MEGF11: variants seen among roughly 807,000 people sequenced by gnomAD.
MEGF11 encodes the protein multiple EGF like domains 11.
Under a neutral mutation model 146.6 loss-of-function variants are expected in MEGF11, and 126 were observed. The observed-to-expected ratio is 0.86, with a 90% CI of 0.74 to 1.00. MEGF11 has a LOEUF of 1.00. Among genes scored for constraint, MEGF11 ranks in the 50% least tolerant of loss-of-function variants. The pLI is 0.00. For synonymous variants in MEGF11, 532 were observed against 583.4 expected, an observed-to-expected ratio of 0.91 and a Z score of 1.27; for missense variants, 1,509 against 1,521.2, an observed-to-expected ratio of 0.99 and a Z score of 0.13.
intron 1 of MEGF11, among the ~76,000 whole-genome samples, chr15:66,223,122 G>C (rs908635935): frequency 6.6e-6 from 1 of 152,144 alleles, no homozygotes; most frequent in Non-Finnish European, 1.5e-5. Flanking sequence ...TAAATAAAAC[G>C]TGCTATATTC....
In MEGF11 at chr15:66,189,651, G is replaced by T. The variant is rs570126776; in HGVS notation, c.-8-61240C>A. On this transcript the variant is annotated intron_variant, in intron 1 of 25. Transcript: ENST00000395614. ...CCTGCCTCTGCTGCTTCCCTGCTGA[G>T]TGATCTTGGGAAAGAAACCTCACCT... Among the ~76,000 whole-genome samples the T allele has an allele frequency of 7.9e-5, 12 of 152,266 alleles. No individual in the cohort carries two copies. The East Asian group carries it at 2.3e-3, about 29-fold the overall frequency.
chr15:66,100,345 C>T (rs922103458), intron 4 of MEGF11, among the ~76,000 whole-genome samples: 3 of 152,092 alleles, frequency 2.0e-5, no homozygotes, highest in Non-Finnish European at 2.9e-5. Context: ...CCTGGAGTGC[C>T]GCAGGGAGAA....
chr15:66,074,620 C>T (rs1420712003), intron 5 of MEGF11, among the ~76,000 whole-genome samples: 1 of 152,184 alleles, frequency 6.6e-6, no homozygotes, highest in Non-Finnish European at 1.5e-5. Flanking sequence ...AATGTATGTG[C>T]TGGGACATGA....
intron 4 of MEGF11, among the ~76,000 whole-genome samples, chr15:66,096,924 C>T (rs1188426388): frequency 1.3e-5 from 2 of 152,246 alleles, no homozygotes; most frequent in South Asian, 2.1e-4. Flanking sequence ...TGCAGAACAC[C>T]GCCCCCCACA....
chr15:66,030,909 G>A (rs1174904873), intron 5 of MEGF11, among the ~76,000 whole-genome samples: 1 of 152,194 alleles, frequency 6.6e-6, no homozygotes, highest in Non-Finnish European at 1.5e-5. Context: ...TCAACCTGGG[G>A]CCTGATTTCC....
At chr15:66,211,298 C>T (rs575256242) in intron 1 of MEGF11, among the ~76,000 whole-genome samples, 184 of 152,222 alleles carry the variant, frequency 1.2e-3, no homozygotes, top group African/African-American at 2.7e-3. Context: ...CCAAGGTGGG[C>T]GGATCACGAA....
intron 5 of MEGF11, among the ~76,000 whole-genome samples, chr15:66,018,124 G>A (rs911510951): frequency 6.6e-6 from 1 of 152,198 alleles, no homozygotes; most frequent in East Asian, 1.9e-4. Flanking sequence ...CCAGCCTCAG[G>A]AAAAGGAAGG....
At chr15:66,031,507 A>C (rs1277375386) in intron 5 of MEGF11, among the ~76,000 whole-genome samples, 1 of 152,194 alleles carries the variant, frequency 6.6e-6, no homozygotes, top group East Asian at 1.9e-4. Context: ...GGTGGAGCAC[A>C]GGATAACCAT....
At chr15:65,898,351 A>G in intron 25 of MEGF11, 4 of 985,408 alleles carry the variant, frequency 4.1e-6, no homozygotes, top group Non-Finnish European at 4.8e-6. Context: ...GAGCCCAGGG[A>G]CATAAACTGG....
chr15:66,229,002 G>A (rs753589867), intron 1 of MEGF11, among the ~76,000 whole-genome samples: 7 of 152,116 alleles, frequency 4.6e-5, no homozygotes, highest in African/African-American at 7.2e-5. Flanking sequence ...TGGTGCTAGC[G>A]TCAGGGTGCT....
intron 5 of MEGF11, among the ~76,000 whole-genome samples, chr15:66,041,730 GAA>G (rs1012768916): frequency 6.6e-6 from 1 of 152,164 alleles, no homozygotes; most frequent in Non-Finnish European, 1.5e-5. Context: ...GTCCTTTACA[GAA>G]AAAGTTTGCC....
At chr15:66,214,797 G>C (rs943592311) in intron 1 of MEGF11, among the ~76,000 whole-genome samples, 2 of 152,134 alleles carry the variant, frequency 1.3e-5, no homozygotes, top group Non-Finnish European at 2.9e-5. Context: ...CAGGGTACAG[G>C]CTGCCCCTTC....
chr15:66,050,086 G>T (rs2084389900), intron 5 of MEGF11, among the ~76,000 whole-genome samples: 1 of 152,142 alleles, frequency 6.6e-6, no homozygotes, highest in South Asian at 2.1e-4. Context: ...TTGAGACAGG[G>T]TCTCACTGTG....
At chr15:66,100,161 G>A (rs2086729366) in intron 4 of MEGF11, among the ~76,000 whole-genome samples, 1 of 152,200 alleles carries the variant, frequency 6.6e-6, no homozygotes, top group Non-Finnish European at 1.5e-5. Flanking sequence ...ATGTACATGT[G>A]CATTCACTCT....
Position 65,975,411 on chromosome 15 carries a change from C to A in MEGF11, c.763-4722G>T, listed in dbSNP as rs2141641060. On this transcript the variant is annotated intron_variant, in intron 7 of 25. Transcript: ENST00000395614. The stretch of plus-strand genomic sequence containing the variant: ...GGCATTCCCTAGGGAAATCAAGCAT[C>A]CTTGAGACTTTTTAGTGAAGTGGGT... 3.3e-5 allele frequency among the ~76,000 whole-genome samples: 5 copies of A among 152,328 alleles called. No individual in the cohort carries two copies. The Middle Eastern group carries it at 0.017, about 518-fold the overall frequency.
chr15:66,157,478 A>C (rs146175727), intron 1 of MEGF11, among the ~76,000 whole-genome samples: 1 of 152,330 alleles, frequency 6.6e-6, no homozygotes, highest in East Asian at 1.9e-4. Context: ...ACAGGAATCA[A>C]ATCTGGGGGT....
rs181813598 is a variant in MEGF11, at chr15:65,925,227, T to C, written c.1676-2258A>G. ...AGCCAGTGGCTATTAAAAGTATAGC[T>C]ACTCTCATTGTGGAATCCTTAGTGT... is the stretch of plus-strand genomic sequence containing the variant. On this transcript the variant is annotated intron_variant, in intron 13 of 25. Transcript: ENST00000395614. Among the ~76,000 whole-genome samples the C allele has an allele frequency of 3.9e-4, 59 of 152,370 alleles. No homozygotes were observed. In the East Asian group the frequency reaches 0.011, roughly 28 times the overall value.
chr15:65,980,895 G>A lies in MEGF11; in HGVS notation c.645C>T (p.Cys215=), dbSNP rs1288072893. The A allele has an allele frequency of 5.1e-6, 8 of 1,578,244 alleles. No individual in the cohort carries two copies. The highest frequency in any genetic ancestry group is 2.3e-5 in the East Asian group (1 of 43,556). ...GGCTCCCAGGAGGGCACAGCTCCTC[G>A]CAGCTGCATGGAGAAGCAGAGGTGT... ...LCAPGYTGVY[C]EELCPPGSHG... The change falls in exon 7 of 26, where the codon TGC becomes TGT. Residue 215 remains cysteine (C), a synonymous_variant. Transcript: ENST00000395614.
intron 1 of MEGF11, among the ~76,000 whole-genome samples, chr15:66,161,302 C>A (rs1045134221): frequency 1.3e-5 from 2 of 152,124 alleles, no homozygotes; most frequent in African/African-American, 4.8e-5. Context: ...AGACAGGCAG[C>A]CACACGGGTG....
Sources: gnomAD v4.1 joint callset for allele counts (sites outside exome capture counted in the v4.1 genomes callset) on GRCh38, gnomAD v4.1.1 for gene constraint, MANE v1.5 for transcripts, NCBI Gene and HGNC (gene_info 2026-07-23, HGNC 2026-07-21) for gene names.